ERC2: variants seen among roughly 807,000 people sequenced by gnomAD.
ERC2 encodes the protein ELKS/RAB6-interacting/CAST family member 2, also known as ERC protein 2.
ERC2 carries 42 observed loss-of-function variants against 114.8 expected under a neutral mutation model. The observed-to-expected ratio is 0.37, with a 90% confidence interval of 0.29 to 0.47. The LOEUF is 0.47. ERC2 is among the 20% of genes least tolerant of loss of function. ERC2 has a pLI of 0.99. For missense variants in ERC2, 939 were observed against 1,150.7 expected, an observed-to-expected ratio of 0.82 and a Z score of 2.66; for synonymous variants, 454 against 425.5, an observed-to-expected ratio of 1.07 and a Z score of -0.82.
chr3:55,781,497 G>GT (rs138601745), intron 14 of ERC2, among the ~76,000 whole-genome samples: 23,943 of 149,002 alleles, frequency 0.16, 2,064 homozygotes, highest in Middle Eastern at 0.23. Flanking sequence ...TTTAAAAATG[G>GT]TTTTTTTTTT....
intron 17 of ERC2, among the ~76,000 whole-genome samples, chr3:55,649,541 TGA>T (rs1299296862): frequency 6.6e-6 from 1 of 152,162 alleles, no homozygotes; most frequent in African/African-American, 2.4e-5. Flanking sequence ...ATTACAGGTG[TGA>T]GCCACCGCAC....
intron 17 of ERC2, among the ~76,000 whole-genome samples, chr3:55,576,370 G>T (rs1489651225): frequency 1.3e-5 from 2 of 151,922 alleles, no homozygotes; most frequent in African/African-American, 4.8e-5. Flanking sequence ...CATGCACCAG[G>T]AACTACTGGC....
chr3:55,872,702 A>G (rs1321969311), intron 14 of ERC2, among the ~76,000 whole-genome samples: 1 of 152,154 alleles, frequency 6.6e-6, no homozygotes, highest in Non-Finnish European at 1.5e-5. Context: ...ATACCACCAA[A>G]GGCTGAATAG....
intron 2 of ERC2, among the ~76,000 whole-genome samples, chr3:56,428,038 T>G (rs2061638715): frequency 6.6e-6 from 1 of 152,166 alleles, no homozygotes; most frequent in Admixed American, 6.5e-5. Context: ...ATCCATGGTT[T>G]CTTAGACTTA....
intron 2 of ERC2, among the ~76,000 whole-genome samples, chr3:56,336,295 A>G (rs2057843914): frequency 6.6e-6 from 1 of 152,224 alleles, no homozygotes; most frequent in Non-Finnish European, 1.5e-5. Context: ...TGTCTGACAC[A>G]TGGAAAAGTG....
chr3:55,529,727 T>C (rs2053554326), intron 17 of ERC2, among the ~76,000 whole-genome samples: 1 of 152,172 alleles, frequency 6.6e-6, no homozygotes, highest in South Asian at 2.1e-4. Context: ...GACGTGCTCT[T>C]CAGGGGGAGA....
chr3:56,340,375 T>A (rs371784021), intron 2 of ERC2, among the ~76,000 whole-genome samples: 1 of 152,188 alleles, frequency 6.6e-6, no homozygotes, highest in East Asian at 1.9e-4. Flanking sequence ...CCACCAGTGA[T>A]AAAGCACTTG....
chr3:55,809,354 C>T (rs1036519702), intron 14 of ERC2, among the ~76,000 whole-genome samples: 2 of 152,130 alleles, frequency 1.3e-5, no homozygotes, highest in African/African-American at 4.8e-5. Flanking sequence ...ATCTGAAAAA[C>T]ACAGGCAACA....
rs1281557345 is a variant in ERC2 at position 56,032,949 on chromosome 3, AAGAAAGAAAC to A, written c.1642-13928_1642-13919del. ...AAAGAAAGAAAGAAAGAAAGAAAGA[AAGAAAGAAAC>A]AGAAAGAAAGAAAGAAAGAGAAAGA... On this transcript the variant is annotated intron_variant, in intron 7 of 17. Transcript: ENST00000288221. Among the ~76,000 whole-genome samples, 341 of 75,980 alleles carry A rather than the reference AAGAAAGAAAC, an allele frequency of 4.5e-3. 8 individuals carry two copies. Among genetic ancestry groups the A allele is most frequent in the Middle Eastern group, 9.9e-3 (2 of 202 alleles). 49.8% of individuals were successfully genotyped at this position (75,980 alleles called of 152,430 possible).
chr3:55,911,180 A>G (rs984222961), intron 13 of ERC2, among the ~76,000 whole-genome samples: 2 of 152,216 alleles, frequency 1.3e-5, no homozygotes, highest in Non-Finnish European at 2.9e-5. Flanking sequence ...TTACAAATTT[A>G]AAAAAGAAAA....
chr3:55,943,278 A>G (rs1377245067), intron 13 of ERC2, among the ~76,000 whole-genome samples: 2 of 152,172 alleles, frequency 1.3e-5, no homozygotes, highest in African/African-American at 2.4e-5. Context: ...TTTGCTTTCA[A>G]TGTTTGGGTT....
chr3:56,195,492 C>CGTGTGTGTGT (rs1280567714), intron 3 of ERC2, among the ~76,000 whole-genome samples: 1 of 60,540 alleles, frequency 1.7e-5, no homozygotes, highest in Non-Finnish European at 4.7e-5. Flanking sequence ...TTTGTGTGTG[C>CGTGTGTGTGT]GTGTGTGCGT....
intron 2 of ERC2, among the ~76,000 whole-genome samples, chr3:56,403,822 C>T (rs940050230): frequency 1.3e-5 from 2 of 152,208 alleles, no homozygotes; most frequent in African/African-American, 2.4e-5. Flanking sequence ...CCCAATTCTT[C>T]ACTGTTCTCT....
rs575419400 is a variant in ERC2 at position 55,577,728 on chromosome 3, A to G, written c.*40-66452T>C. ...GAGGAACCTGCTAGGTGGTGGCCAC[A>G]GGTTCTTCATTAAGAGATGCTCCCT... On this transcript the variant is annotated intron_variant, in intron 17 of 17. Transcript: ENST00000288221. 2.0e-5 allele frequency among the ~76,000 whole-genome samples: 3 copies of G among 152,314 alleles called. No individual in the cohort carries two copies. The East Asian group carries it at 5.8e-4, about 29-fold the overall frequency.
chr3:55,619,690 A>G (rs1342194312), intron 17 of ERC2, among the ~76,000 whole-genome samples: 1 of 152,232 alleles, frequency 6.6e-6, no homozygotes, highest in Non-Finnish European at 1.5e-5. Flanking sequence ...GTAGACATGT[A>G]CAAAAATTTC....
intron 2 of ERC2, among the ~76,000 whole-genome samples, chr3:56,359,647 A>T (rs540907852): frequency 6.6e-6 from 1 of 152,370 alleles, no homozygotes; most frequent in African/African-American, 2.4e-5. Context: ...GGTGATTTAT[A>T]AAGAAAAGAG....
At chr3:55,755,439 A>G (rs1388167365) in intron 14 of ERC2, among the ~76,000 whole-genome samples, 1 of 152,226 alleles carries the variant, frequency 6.6e-6, no homozygotes, top group Non-Finnish European at 1.5e-5. Context: ...AACTAGAAGC[A>G]AGGTGACAGC....
At chr3:56,056,695 G>A (rs952251802) in intron 7 of ERC2, among the ~76,000 whole-genome samples, 5 of 152,126 alleles carry the variant, frequency 3.3e-5, no homozygotes, top group African/African-American at 7.2e-5. Flanking sequence ...GAGAATAGAC[G>A]AGATGATGTG....
At chr3:55,575,427 G>A (rs890621425) in intron 17 of ERC2, among the ~76,000 whole-genome samples, 1 of 152,164 alleles carries the variant, frequency 6.6e-6, no homozygotes, top group Non-Finnish European at 1.5e-5. Context: ...AGACTGCCTT[G>A]GTTCAAATCT....
Sources: gnomAD v4.1 joint callset for allele counts (sites outside exome capture counted in the v4.1 genomes callset) on GRCh38, gnomAD v4.1.1 for gene constraint, MANE v1.5 for transcripts, NCBI Gene and HGNC (gene_info 2026-07-23, HGNC 2026-07-21) for gene names.